Variants in FOCAD observed in about 807,000 individuals in gnomAD.
FOCAD encodes KIAA1797.
A neutral mutation model predicts 225.6 loss-of-function variants in FOCAD; 198 were observed. That is an observed-to-expected ratio of 0.88 (90% CI 0.78 to 0.99). FOCAD has a LOEUF of 0.99. Ranked by LOEUF, FOCAD falls within the 50% of genes least tolerant of loss-of-function variation. FOCAD has a pLI of 0.00. For synonymous variants in FOCAD, 897 were observed against 755.0 expected (o/e 1.19, Z -3.08); for missense variants, 2,713 against 2,123.6 (o/e 1.28, Z -5.46).
chr9:20,765,740 A>G (rs1325300148), intron 7 of FOCAD, among the ~76,000 whole-genome samples: 1 of 152,246 alleles, frequency 6.6e-6, no homozygotes, highest in Non-Finnish European at 1.5e-5. Flanking sequence ...CATATGAAAA[A>G]AAATCCAGTT....
At chr9:20,974,248 C>T (rs1193646482) in intron 35 of FOCAD, among the ~76,000 whole-genome samples, 2 of 145,292 alleles carry the variant, frequency 1.4e-5, no homozygotes, top group African/African-American at 2.6e-5. Context: ...CTCTTTTCTG[C>T]TGCTGTTTTC....
intron 11 of FOCAD, among the ~76,000 whole-genome samples, chr9:20,791,726 G>A (rs375659432): frequency 7.9e-5 from 12 of 152,278 alleles, no homozygotes; most frequent in African/African-American, 2.4e-4. Context: ...GGATAATGGG[G>A]CACTTTACTT....
intron 11 of FOCAD, among the ~76,000 whole-genome samples, chr9:20,797,607 G>C (rs1015929369): frequency 7.9e-5 from 12 of 152,082 alleles, no homozygotes; most frequent in Middle Eastern, 3.4e-3. Flanking sequence ...CTCATGATTT[G>C]GCTCTCTGTT....
chr9:20,718,705 C>G lies in FOCAD; in HGVS notation c.132+837C>G, dbSNP rs78795132. Among the ~76,000 whole-genome samples, 797 of 152,282 alleles carry G rather than the reference C, an allele frequency of 5.2e-3. 2 individuals are homozygous for G. Among genetic ancestry groups the G allele is most frequent in the African/African-American group, 0.018 (751 of 41,554 alleles). On this transcript the variant is annotated intron_variant, in intron 3 of 43. Transcript: ENST00000338382. Reference sequence around the variant, plus strand: ...CTGAAAACTCTGATCCTAATCCTGCCTATAATCACATTGTGTACTTTGAGA... The same window carrying G: ...CTGAAAACTCTGATCCTAATCCTGCGTATAATCACATTGTGTACTTTGAGA...
chr9:20,877,539 T>G (rs1830327601), intron 19 of FOCAD, among the ~76,000 whole-genome samples: 1 of 152,196 alleles, frequency 6.6e-6, no homozygotes. Flanking sequence ...CTAACAATTA[T>G]GAGCAGATGA....
rs757578303 is a variant in FOCAD at position 20,874,631 on chromosome 9, A to G, written c.2191-50A>G. The G allele has an allele frequency of 2.9e-5, 45 of 1,571,816 alleles. No individual in the cohort carries two copies. In the East Asian group the frequency reaches 8.2e-4, roughly 29 times the overall value. ...AAAAAGGATACAGAAAAGATTTTGC[A>G]TAATGTTTTATTATTATCCTCTCTA... On this transcript the variant is annotated intron_variant, in intron 18 of 43. Transcript: ENST00000338382.
chr9:20,700,585 C>G (rs1410516299), intron 1 of FOCAD, among the ~76,000 whole-genome samples: 2 of 150,542 alleles, frequency 1.3e-5, no homozygotes, highest in African/African-American at 4.9e-5. Context: ...GAATTATCAT[C>G]AATTCCTAAA....
At chr9:20,686,690 G>A (rs1421521293) in intron 1 of FOCAD, among the ~76,000 whole-genome samples, 1 of 152,126 alleles carries the variant, frequency 6.6e-6, no homozygotes, top group East Asian at 1.9e-4. Flanking sequence ...TGGGTAGTAA[G>A]TATTTCTTTA....
intron 15 of FOCAD, among the ~76,000 whole-genome samples, chr9:20,848,957 T>C (rs909986888): frequency 2.6e-5 from 4 of 151,962 alleles, no homozygotes; most frequent in Non-Finnish European, 5.9e-5. Context: ...AGATTTGCAT[T>C]TCTGGTGAAA....
In FOCAD at chr9:20,715,373, A is replaced by T. The variant is rs1825246386; in HGVS notation, c.20A>T (p.Lys7Ile). The T allele has an allele frequency of 6.6e-7, 1 of 1,526,490 alleles. No individual in the cohort carries two copies. Among genetic ancestry groups the T allele is most frequent in the Non-Finnish European group, 8.8e-7 (1 of 1,130,614 alleles). The allele number at this position is 1,526,490 out of a possible 1,614,324, so 94.6% of individuals were successfully genotyped here. A position where few individuals can be genotyped will look rare whatever the true frequency, so the allele number is the denominator to read the frequency against. ...GCAAAAATGTCAGATGATATCAGGAAAAGGTTTGAATTTCCAAATTCTCTT... is the reference window on the plus strand; with the variant it reads ...GCAAAAATGTCAGATGATATCAGGATAAGGTTTGAATTTCCAAATTCTCTT... MSDDIR[K>I]RFEFPNSLIQ... is the part of the protein sequence containing the mutation. Residue 7 changes from lysine to isoleucine, a missense_variant, in exon 2 of 44, where the codon AAA (lysine) becomes ATA (isoleucine). Coordinates refer to ENST00000338382, the MANE Select transcript of FOCAD (RefSeq NM_001375567.1).
At chr9:20,754,730 A>G (rs569888798) in intron 5 of FOCAD, among the ~76,000 whole-genome samples, 1 of 152,098 alleles carries the variant, frequency 6.6e-6, no homozygotes, top group South Asian at 2.1e-4. Flanking sequence ...TCCTACTTGT[A>G]TCTAGTGGGT....
chr9:20,746,574 G>C (rs956653431), intron 5 of FOCAD, among the ~76,000 whole-genome samples: 3 of 152,136 alleles, frequency 2.0e-5, no homozygotes, highest in Non-Finnish European at 4.4e-5. Context: ...TTTGCTCTTT[G>C]CCATGTTTGC....
chr9:20,779,584 C>A (rs187226813), intron 9 of FOCAD, among the ~76,000 whole-genome samples: 5 of 152,124 alleles, frequency 3.3e-5, no homozygotes, highest in African/African-American at 1.2e-4. Flanking sequence ...CCTGTTTCTA[C>A]TAAAAATACA....
chr9:20,740,683 G>C (rs1043125056), intron 5 of FOCAD, among the ~76,000 whole-genome samples: 25 of 152,122 alleles, frequency 1.6e-4, no homozygotes, highest in African/African-American at 6.0e-4. Flanking sequence ...TAAAGCAGGG[G>C]GGGATTTAGG....
chr9:20,871,917 T>TAAA, intron 18 of FOCAD, among the ~76,000 whole-genome samples: 1 of 20,120 alleles, frequency 5.0e-5, no homozygotes, highest in Non-Finnish European at 9.2e-5. Flanking sequence ...ATAATAATAA[T>TAAA]AAAATAAAAA....
intron 2 of FOCAD, among the ~76,000 whole-genome samples, chr9:20,659,424 G>GAGAAAGAAAGAAAGAAAGAA (rs775515495): frequency 0.047 from 6,634 of 140,326 alleles, 176 homozygotes; most frequent in Middle Eastern, 0.074. Context: ...AGAAAGAAAG[G>GAGAAAGAAAGAAAGAAAGAA]AGAAAGAAAG....
rs141231544 is a variant in FOCAD, at chr9:20,729,646, G to C, written c.287+9112G>C. On this transcript the variant is annotated intron_variant, in intron 4 of 43. Coordinates refer to ENST00000338382, the MANE Select transcript of FOCAD (RefSeq NM_001375567.1). ...ATACAGTAACCATATGAATGCAGAG[G>C]GTGTGGTAATTTCCAAAACAGAGAG... is the stretch of plus-strand genomic sequence containing the variant. Among the ~76,000 whole-genome samples, 435 of 152,174 alleles carry C rather than the reference G, an allele frequency of 2.9e-3. 1 individual carries two copies. The highest frequency in any genetic ancestry group is 0.01 in the African/African-American group (418 of 41,532).
intron 21 of FOCAD, among the ~76,000 whole-genome samples, chr9:20,899,484 C>T (rs1832384475): frequency 6.6e-6 from 1 of 151,934 alleles, no homozygotes; most frequent in Admixed American, 6.6e-5. Context: ...TTGAGAGTAG[C>T]ACTTTGCTCT....
At chr9:20,829,870 C>T (rs917544925) in intron 15 of FOCAD, among the ~76,000 whole-genome samples, 2 of 152,082 alleles carry the variant, frequency 1.3e-5, no homozygotes, top group African/African-American at 2.4e-5. Flanking sequence ...GTAAGCATCT[C>T]TTGATTTACT....
Sources: allele counts gnomAD v4.1 joint callset (sites outside exome capture counted in the v4.1 genomes callset), GRCh38; gene constraint gnomAD v4.1.1; transcripts MANE v1.5; gene names NCBI Gene and HGNC (gene_info 2026-07-23, HGNC 2026-07-21).